DSCAM: variants seen among roughly 807,000 people sequenced by gnomAD.
DSCAM encodes the protein cell adhesion molecule DSCAM.
Under a neutral mutation model 217.7 loss-of-function variants are expected in DSCAM, and 47 were observed. The ratio of observed to expected loss-of-function variants is 0.22; its 90% CI spans 0.17 to 0.28. The LOEUF is 0.28. Among genes scored for constraint, DSCAM ranks in the 10% least tolerant of loss-of-function variants. The pLI, the probability that DSCAM is intolerant of heterozygous loss-of-function variation, is 1.00. For missense variants in DSCAM, 2,080 were observed against 2,618.3 expected (o/e 0.79, Z 4.49); for synonymous variants, 1,056 against 1,015.3 (o/e 1.04, Z -0.76).
intron 1 of DSCAM, among the ~76,000 whole-genome samples, chr21:40,770,575 G>A (rs573247149): frequency 4.6e-5 from 7 of 152,292 alleles, no homozygotes; most frequent in Admixed American, 6.5e-5. Context: ...AGCCCTTACC[G>A]TCTTTCAGAA....
intron 4 of DSCAM, among the ~76,000 whole-genome samples, chr21:40,357,709 TGTG>T (rs1029642669): frequency 6.6e-6 from 1 of 151,770 alleles, no homozygotes; most frequent in Non-Finnish European, 1.5e-5. Context: ...CAGGGCCTGT[TGTG>T]GGGTGCGGGG....
At chr21:40,048,136 A>G (rs752396064) in intron 30 of DSCAM, among the ~76,000 whole-genome samples, 27 of 152,276 alleles carry the variant, frequency 1.8e-4, no homozygotes, top group Non-Finnish European at 2.2e-4. Flanking sequence ...CTAGTCTCTG[A>G]GACTAGGTGA....
At chr21:40,448,303 T>A (rs996424533) in intron 3 of DSCAM, among the ~76,000 whole-genome samples, 1 of 152,158 alleles carries the variant, frequency 6.6e-6, no homozygotes, top group African/African-American at 2.4e-5. Context: ...AACAAAAACA[T>A]AGAGGAAGGG....
chr21:40,156,769 G>A (rs2090483164), intron 16 of DSCAM, among the ~76,000 whole-genome samples: 2 of 152,204 alleles, frequency 1.3e-5, no homozygotes, highest in Admixed American at 1.3e-4. Context: ...AAGACGAGAT[G>A]AGGAACTTAT....
intron 3 of DSCAM, among the ~76,000 whole-genome samples, chr21:40,681,614 A>G (rs2090401778): frequency 6.6e-6 from 1 of 151,992 alleles, no homozygotes; most frequent in Admixed American, 6.5e-5. Flanking sequence ...AAGAATTTGT[A>G]ATCATAGTGG....
chr21:40,186,339 A>G (rs751327364), intron 14 of DSCAM, among the ~76,000 whole-genome samples: 3 of 152,176 alleles, frequency 2.0e-5, no homozygotes, highest in Non-Finnish European at 2.9e-5. Flanking sequence ...GTGAAAAATA[A>G]AGCTGCTTTT....
chr21:40,814,302 G>A (rs1416130429), intron 1 of DSCAM, among the ~76,000 whole-genome samples: 1 of 152,130 alleles, frequency 6.6e-6, no homozygotes, highest in Non-Finnish European at 1.5e-5. Context: ...AACTCTTTTA[G>A]TGACATTTTT....
chr21:40,079,024 G>C, intron 25 of DSCAM, 47 bp from the exon 26 acceptor site: 1 of 1,584,846 alleles, frequency 6.3e-7, no homozygotes, highest in Non-Finnish European at 8.6e-7. Flanking sequence ...CACATGGGGA[G>C]GCCATCAGCA....
intron 3 of DSCAM, among the ~76,000 whole-genome samples, chr21:40,556,881 G>A (rs568964157): frequency 4.4e-4 from 67 of 152,246 alleles, no homozygotes; most frequent in Non-Finnish European, 7.1e-4. Context: ...TTCATTAAAT[G>A]GAGGTGGATC....
At chr21:40,316,709 G>A (rs1271496726) in intron 8 of DSCAM, among the ~76,000 whole-genome samples, 2 of 152,132 alleles carry the variant, frequency 1.3e-5, no homozygotes, top group Non-Finnish European at 2.9e-5. Flanking sequence ...TTTATTACCA[G>A]GCTTGTGTAT....
At chr21:40,559,428 G>A (rs1047163795) in intron 3 of DSCAM, among the ~76,000 whole-genome samples, 14 of 150,280 alleles carry the variant, frequency 9.3e-5, no homozygotes, top group Middle Eastern at 3.2e-3. Flanking sequence ...ACTGCACTCT[G>A]GCCCGGGCGA....
At chr21:40,642,402 C>G (rs900479378) in intron 3 of DSCAM, among the ~76,000 whole-genome samples, 1 of 152,004 alleles carries the variant, frequency 6.6e-6, no homozygotes, top group Non-Finnish European at 1.5e-5. Flanking sequence ...TTAAAAGCAC[C>G]CATTAGGAGT....
At chr21:40,593,910 T>C (rs1224948595) in intron 3 of DSCAM, among the ~76,000 whole-genome samples, 1 of 152,216 alleles carries the variant, frequency 6.6e-6, no homozygotes, top group Non-Finnish European at 1.5e-5. Flanking sequence ...CTAAATCTCA[T>C]GTTCCAAAAT....
At chr21:40,585,333 C>A (rs2076937194) in intron 3 of DSCAM, among the ~76,000 whole-genome samples, 1 of 52,932 alleles carries the variant, frequency 1.9e-5, no homozygotes, top group Non-Finnish European at 5.1e-5. Flanking sequence ...AAGAAAAATG[C>A]TGCGTGAACC....
At chr21:40,310,148 T>G (rs1296986071) in intron 9 of DSCAM, among the ~76,000 whole-genome samples, 1 of 152,176 alleles carries the variant, frequency 6.6e-6, no homozygotes, top group African/African-American at 2.4e-5. Context: ...TTTTTAGACC[T>G]CCCTATGCAA....
rs980618588 is a variant in DSCAM, at chr21:40,432,221, TATAA to T, written c.509-62980_509-62977del. Among the ~76,000 whole-genome samples, 1,464 of 149,786 alleles carry T rather than the reference TATAA, an allele frequency of 9.8e-3. 10 individuals carry two copies. Among genetic ancestry groups the T allele is most frequent in the African/African-American group, 0.034 (1,368 of 40,722 alleles). On this transcript the variant is annotated intron_variant, in intron 3 of 32. Transcript: ENST00000400454. ...CAAAAATAATAATAAAAAATAAATA[TATAA>T]ATAAATAAATAAATATCTTCTTCTT...
At chr21:40,230,135 A>C (rs371773608) in intron 11 of DSCAM, among the ~76,000 whole-genome samples, 5 of 152,230 alleles carry the variant, frequency 3.3e-5, no homozygotes, top group African/African-American at 1.2e-4. Flanking sequence ...GTTCATAAGA[A>C]ATAATGGTAC....
chr21:40,042,808 G>A (rs559397625), intron 31 of DSCAM, 135 bp from the exon 32 acceptor site: 16 of 833,030 alleles, frequency 1.9e-5, no homozygotes, highest in South Asian at 3.7e-5. Context: ...GCTCCTTGGC[G>A]GAGGCTCCTG....
At chr21:40,055,695 T>A (rs112157214) in intron 29 of DSCAM, 30 bp downstream of exon 29, 2 of 1,560,510 alleles carry the variant, frequency 1.3e-6, no homozygotes, top group African/African-American at 2.7e-5. Flanking sequence ...GGCAGCCACT[T>A]TGTGTAAAGT....
Sources: gnomAD v4.1 joint callset for allele counts (sites outside exome capture counted in the v4.1 genomes callset) on GRCh38, gnomAD v4.1.1 for gene constraint, MANE v1.5 for transcripts, NCBI Gene and HGNC (gene_info 2026-07-23, HGNC 2026-07-21) for gene names.